TANC1: variants seen among roughly 807,000 people sequenced by gnomAD.
TANC1 encodes protein TANC1.
TANC1 carries 77 observed loss-of-function variants against 149.7 expected under a neutral mutation model. The ratio of observed to expected loss-of-function variants is 0.51; its 90% confidence interval spans 0.43 to 0.62. The LOEUF (loss-of-function observed/expected upper bound fraction) is 0.62, where lower values mean the gene tolerates loss of function less well. TANC1 is among the 20% of genes least tolerant of loss of function. The pLI is 0.00. For synonymous variants in TANC1, 854 were observed against 925.0 expected (o/e 0.92, Z 1.39); for missense variants, 1,985 against 2,321.8 (o/e 0.85, Z 2.98).
chr2:159,152,463 A>ATTTTTTTTTT (rs55894080), intron 7 of TANC1, among the ~76,000 whole-genome samples: 3 of 118,156 alleles, frequency 2.5e-5, no homozygotes, highest in Non-Finnish European at 5.3e-5. Context: ...TTATAACCAA[A>ATTTTTTTTTT]TTTTTTTTTT....
intron 16 of TANC1, among the ~76,000 whole-genome samples, chr2:159,187,287 G>A (rs1023588320): frequency 3.3e-5 from 5 of 152,216 alleles, no homozygotes; most frequent in African/African-American, 1.2e-4. Flanking sequence ...GATGTGATAA[G>A]GAAGCAATTT....
intron 17 of TANC1, 151 bp from the exon 18 acceptor site, chr2:159,196,457 T>C: frequency 1.6e-6 from 1 of 614,034 alleles, no homozygotes; most frequent in Non-Finnish European, 2.7e-6. Context: ...TAATCCAGAC[T>C]AAGGTTCCAT....
intron 2 of TANC1, among the ~76,000 whole-genome samples, chr2:159,045,504 C>T (rs1168199403): frequency 6.6e-6 from 1 of 151,882 alleles, no homozygotes; most frequent in Non-Finnish European, 1.5e-5. Context: ...ACCAGAAGAT[C>T]CGAAGAAATT....
intron 1 of TANC1, 79 bp from the exon 2 acceptor site, chr2:159,001,000 AT>A: frequency 6.6e-6 from 1 of 152,604 alleles, no homozygotes; most frequent in East Asian, 1.9e-4. Flanking sequence ...AGGTGAAGTA[AT>A]TGCTCAGGGT....
Position 159,230,635 on chromosome 2 carries a change from A to C in TANC1, c.5209A>C (p.Ser1737Arg). 1 of 1,614,214 alleles carries C rather than the reference A, an allele frequency of 6.2e-7. No individual in the cohort carries two copies. Among genetic ancestry groups the C allele is most frequent in the Non-Finnish European group, 8.5e-7 (1 of 1,180,048 alleles). The part of the protein sequence containing the change: ...MDKTARFQQQ[S>R]NPPSRSWHCP... ...TAAGACTGCGAGGTTCCAACAGCAG[A>C]GCAATCCTCCAAGCCGCAGCTGGCA... Residue 1737 changes from serine (S) to arginine (R), a missense_variant, in exon 27 of 27, where the codon AGC (serine) becomes CGC (arginine). Ser to Arg is a moderately radical substitution (Grantham distance 110, BLOSUM62 -1). Coordinates refer to ENST00000263635, the MANE Select transcript of TANC1 (RefSeq NM_033394.3). This position sits in a 1 kb window ranked among gnomAD's most constrained non-coding sequence, Gnocchi z 4.4.
intron 2 of TANC1, among the ~76,000 whole-genome samples, chr2:159,009,914 A>G (rs1254192493): frequency 2.0e-5 from 3 of 152,182 alleles, no homozygotes; most frequent in Admixed American, 6.5e-5. Flanking sequence ...CTGTGTACCT[A>G]GTACTGGAAA....
intron 1 of TANC1, among the ~76,000 whole-genome samples, chr2:158,992,959 G>GCCTTTTA (rs200712313): frequency 0.023 from 3,441 of 152,268 alleles, 53 homozygotes; most frequent in Non-Finnish European, 0.035. Context: ...CTCCATCACA[G>GCCTTTTA]CCGCGTTAGT....
intron 17 of TANC1, among the ~76,000 whole-genome samples, chr2:159,195,058 G>A (rs956976613): frequency 6.6e-6 from 1 of 152,196 alleles, no homozygotes; most frequent in Admixed American, 6.5e-5. Context: ...CCACAGGGCT[G>A]TTGAGTAAGC....
At chr2:159,183,122 G>A (rs895475993) in intron 14 of TANC1, among the ~76,000 whole-genome samples, 1 of 152,208 alleles carries the variant, frequency 6.6e-6, no homozygotes, top group African/African-American at 2.4e-5. Context: ...TGGGGGGACT[G>A]GGGTTAGAGA....
At chr2:159,212,086 C>T (rs2059023350) in intron 19 of TANC1, among the ~76,000 whole-genome samples, 1 of 152,208 alleles carries the variant, frequency 6.6e-6, no homozygotes. Flanking sequence ...GCAGCTTTAA[C>T]AGAAATCCTG....
intron 3 of TANC1, among the ~76,000 whole-genome samples, chr2:159,093,408 G>C (rs1043683183): frequency 1.3e-5 from 2 of 152,188 alleles, no homozygotes; most frequent in African/African-American, 4.8e-5. Flanking sequence ...CTGGTGTCTT[G>C]TTGCCCAGAA....
chr2:159,086,816 A>G (rs978773018), intron 3 of TANC1, among the ~76,000 whole-genome samples: 2 of 152,148 alleles, frequency 1.3e-5, no homozygotes, highest in African/African-American at 4.8e-5. Context: ...TGGGTCATGT[A>G]TCTTACTTAT....
chr2:159,087,378 A>G (rs1284925136), intron 3 of TANC1, among the ~76,000 whole-genome samples: 4 of 149,888 alleles, frequency 2.7e-5, no homozygotes, highest in African/African-American at 9.8e-5. Context: ...GGTTGATATC[A>G]TGTATAATAG....
Position 159,075,644 on chromosome 2 carries a change from T to C in TANC1, c.61+9673T>C, listed in dbSNP as rs556830307. Among the ~76,000 whole-genome samples the C allele has an allele frequency of 5.9e-5, 9 of 152,254 alleles. No homozygotes were observed. The East Asian group carries it at 1.7e-3, about 29-fold the overall frequency. On this transcript the variant is annotated intron_variant, in intron 3 of 26. Transcript: ENST00000263635. ...AGCAAATAACCCAAGATATTCTGTA[T>C]TTTTTGCTTTATCTTTTTTAAATAC...
chr2:159,174,389 G>A (rs930871212), intron 11 of TANC1, among the ~76,000 whole-genome samples: 22 of 152,182 alleles, frequency 1.4e-4, no homozygotes, highest in Non-Finnish European at 2.8e-4. Context: ...TTCAGACAGT[G>A]CCCCTGTAGA....
intron 5 of TANC1, among the ~76,000 whole-genome samples, chr2:159,145,808 G>A (rs981261027): frequency 6.6e-6 from 1 of 152,112 alleles, no homozygotes; most frequent in Non-Finnish European, 1.5e-5. Flanking sequence ...TTCTCCACTT[G>A]CCTAATGGAT....
At chr2:159,079,731 T>G (rs535617368) in intron 3 of TANC1, among the ~76,000 whole-genome samples, 1 of 152,262 alleles carries the variant, frequency 6.6e-6, no homozygotes, top group South Asian at 2.1e-4. Flanking sequence ...CAGTGCCACT[T>G]AGGGTAAAGC....
intron 19 of TANC1, among the ~76,000 whole-genome samples, chr2:159,199,473 C>T (rs1363688032): frequency 5.3e-5 from 8 of 152,246 alleles, no homozygotes; most frequent in Admixed American, 5.2e-4. Flanking sequence ...AGGCAGTGGC[C>T]TGCCCTGCCC....
chr2:159,004,167 G>T lies in TANC1; in HGVS notation c.-16+2978G>T. ...TGGAATATTAAGTCAGCTTGGTGCT[G>T]ACAGTTTAACAAGCCTTAGGAAGTT... On this transcript the variant is annotated intron_variant, in intron 2 of 26. Coordinates refer to ENST00000263635, the MANE Select transcript of TANC1 (RefSeq NM_033394.3). 6 of 1,612,572 alleles carry T rather than the reference G, an allele frequency of 3.7e-6. No homozygotes were observed. The South Asian group carries it at 6.6e-5, about 18-fold the overall frequency.
Sources: gnomAD v4.1 joint callset for allele counts (sites outside exome capture counted in the v4.1 genomes callset) on GRCh38, gnomAD v4.1.1 for gene constraint, Gnocchi (gnomAD v3.1) non-coding constraint, MANE v1.5 for transcripts, NCBI Gene and HGNC (gene_info 2026-07-23, HGNC 2026-07-21) for gene names.